NLRP11: variants seen among roughly 807,000 people sequenced by gnomAD.
The protein encoded by NLRP11 is NACHT, LRR and PYD domains-containing protein 11.
Under a neutral mutation model 79.3 loss-of-function variants are expected in NLRP11, and 53 were observed. That is an observed-to-expected ratio of 0.67 (90% CI 0.54 to 0.84). NLRP11 has a LOEUF of 0.84. NLRP11 is among the 40% of genes least tolerant of loss of function. NLRP11 has a pLI of 0.00. For missense variants in NLRP11, 1,264 were observed against 1,255.0 expected (o/e 1.01, Z -0.11); for synonymous variants, 518 against 462.6 (o/e 1.12, Z -1.54).
chr19:55,797,231 C>G (rs1425078098), intron 5 of NLRP11, among the ~76,000 whole-genome samples: 1 of 151,938 alleles, frequency 6.6e-6, no homozygotes, highest in Admixed American at 6.6e-5. Flanking sequence ...CTCAGGAGTT[C>G]GAGGCTGCAG....
Position 55,809,863 on chromosome 19 carries a change from G to A in NLRP11, c.747C>T (p.Ser249=), listed in dbSNP as rs748512047. ...GAACTGGAATGGGAACTTTCTGGGT[G>A]CTGTTACTACACAAAGCACTTTCAT... Residue 249 remains serine, a synonymous_variant, in exon 3 of 10, where the codon AGC becomes AGT. Coordinates refer to ENST00000589093, the Ensembl canonical transcript of NLRP11. This position sits in a 1 kb window ranked among gnomAD's most constrained non-coding sequence, Gnocchi z 4.5. 5 of 1,614,196 alleles carry A rather than the reference G, an allele frequency of 3.1e-6. No individual in the cohort carries two copies. The highest frequency in any genetic ancestry group is 3.4e-6 in the Non-Finnish European group (4 of 1,180,024).
chr19:55,785,729 C>A, exon 10 of NLRP11: 1 of 1,614,066 alleles, frequency 6.2e-7, no homozygotes, highest in Non-Finnish European at 8.5e-7. Flanking sequence ...ATTATTGAAC[C>A]TGGCTGAGAA....
chr19:55,814,926 G>A (rs1183785646), intron 2 of NLRP11, among the ~76,000 whole-genome samples: 1 of 152,218 alleles, frequency 6.6e-6, no homozygotes, highest in African/African-American at 2.4e-5. Flanking sequence ...GAGTGAGCAA[G>A]AGTCCCCACG....
intron 5 of NLRP11, among the ~76,000 whole-genome samples, chr19:55,797,896 T>G (rs1023412149): frequency 6.6e-6 from 1 of 152,076 alleles, no homozygotes; most frequent in African/African-American, 2.4e-5. Flanking sequence ...GTTTTAAACA[T>G]CTACAACAAA....
exon 5 of NLRP11, chr19:55,801,624 A>G: frequency 6.2e-7 from 1 of 1,614,158 alleles, no homozygotes; most frequent in Non-Finnish European, 8.5e-7. Flanking sequence ...TGCAGAAGTG[A>G]AAACATATTT....
At chr19:55,834,699 C>T (rs1412647247), upstream of NLRP11, among the ~76,000 whole-genome samples, 1 of 152,140 alleles carries the variant, frequency 6.6e-6, no homozygotes, top group Admixed American at 6.5e-5. Flanking sequence ...AACTGAGAAA[C>T]CACCCAACCA....
rs775789422 is a variant in NLRP11 at position 55,809,654 on chromosome 19, G to A, written c.956C>T (p.Ala319Val). 10 of 1,614,040 alleles carry A rather than the reference G, an allele frequency of 6.2e-6. No homozygotes were observed. The highest frequency in any genetic ancestry group is 8.5e-6 in the Non-Finnish European group (10 of 1,180,024). The change falls in exon 3 of 10, where the codon GCG (alanine) becomes GTG (valine). Residue 319 changes from alanine to valine, a missense_variant. By Grantham distance (64) the Ala-to-Val change is moderately conservative. Coordinates refer to ENST00000589093, the Ensembl canonical transcript of NLRP11. This position sits in a 1 kb window ranked among gnomAD's most constrained non-coding sequence, Gnocchi z 4.5. ...ATGTACAAGCTGGAGGGCTGCCGAC[G>A]CCCTCTGGCGGTCTTTAAAGAAAGA...
At chr19:55,830,745 C>CTGTTGACTCAACTATAAGG (rs1555805070) in intron 1 of NLRP11, among the ~76,000 whole-genome samples, 8 of 151,338 alleles carry the variant, frequency 5.3e-5, no homozygotes, top group African/African-American at 2.0e-4. Flanking sequence ...CTGGAATTTG[C>CTGTTGACTCAACTATAAGG]TGTTGACTGA....
intron 6 of NLRP11, among the ~76,000 whole-genome samples, chr19:55,793,196 T>A (rs1446328556): frequency 1.3e-5 from 2 of 152,178 alleles, no homozygotes; most frequent in African/African-American, 2.4e-5. Flanking sequence ...CTATTTTTTT[T>A]AACCCGTTTT....
intron 1 of NLRP11, among the ~76,000 whole-genome samples, chr19:55,831,278 A>C (rs776479841): frequency 1.3e-5 from 2 of 151,656 alleles, no homozygotes; most frequent in Non-Finnish European, 2.9e-5. Context: ...AATAGAGCTC[A>C]GGACCGGGTG....
At chr19:55,823,680 G>A (rs1368730035) in intron 1 of NLRP11, among the ~76,000 whole-genome samples, 5 of 147,458 alleles carry the variant, frequency 3.4e-5, no homozygotes, top group African/African-American at 1.3e-4. Flanking sequence ...AAGACGAAAT[G>A]AATGAAATGA....
intron 2 of NLRP11, among the ~76,000 whole-genome samples, chr19:55,816,584 T>C: frequency 6.6e-6 from 1 of 151,928 alleles, no homozygotes; most frequent in Non-Finnish European, 1.5e-5. Context: ...TGCATAGGAG[T>C]GTACCCAAAA....
intron 9 of NLRP11, among the ~76,000 whole-genome samples, chr19:55,787,600 G>C (rs1989961121): frequency 6.6e-6 from 1 of 152,194 alleles, no homozygotes; most frequent in South Asian, 2.1e-4. Flanking sequence ...GCCTTCCAAA[G>C]TGCTGGAATT....
intron 2 of NLRP11, among the ~76,000 whole-genome samples, chr19:55,812,902 C>T (rs1285979757): frequency 2.0e-5 from 3 of 152,158 alleles, no homozygotes; most frequent in African/African-American, 7.2e-5. Context: ...CCCTAAATCT[C>T]CTTATCTTCA....
At chr19:55,821,690 G>T (rs1981754928) in intron 1 of NLRP11, among the ~76,000 whole-genome samples, 2 of 143,566 alleles carry the variant, frequency 1.4e-5, no homozygotes, top group South Asian at 4.7e-4. Context: ...TTAGTGATGG[G>T]AGAACCCATT....
At chr19:55,805,692 G>A (rs299168) in intron 4 of NLRP11, among the ~76,000 whole-genome samples, 10,157 of 151,808 alleles carry the variant, frequency 0.067, 426 homozygotes, top group Non-Finnish European at 0.099. Flanking sequence ...GTTGCATGCC[G>A]CCACACCCGG....
upstream of NLRP11, among the ~76,000 whole-genome samples, chr19:55,835,215 TA>T (rs1983133800): frequency 1.3e-5 from 2 of 152,198 alleles, no homozygotes; most frequent in Admixed American, 1.3e-4. Context: ...AAGGAGGAAC[TA>T]AAATGGTGAT....
intron 4 of NLRP11, among the ~76,000 whole-genome samples, chr19:55,804,985 C>T (rs1025967727): frequency 2.8e-5 from 4 of 143,752 alleles, no homozygotes; most frequent in East Asian, 2.1e-4. Flanking sequence ...ATCGCTTGAA[C>T]CCTGCAGGTG....
At chr19:55,807,881 G>A in exon 4 of NLRP11, 1 of 1,612,448 alleles carries the variant, frequency 6.2e-7, no homozygotes, top group Non-Finnish European at 8.5e-7. Context: ...CAGCTAGAAT[G>A]CTCCAGGGCT....
Sources: gnomAD v4.1 joint callset for allele counts (sites outside exome capture counted in the v4.1 genomes callset) on GRCh38, gnomAD v4.1.1 for gene constraint, Gnocchi (gnomAD v3.1) non-coding constraint, MANE v1.5 for transcripts, NCBI Gene and HGNC (gene_info 2026-07-23, HGNC 2026-07-21) for gene names.